TMEM132C: variants seen among roughly 807,000 people sequenced by gnomAD.
TMEM132C encodes transmembrane protein 132C, also known as protein phosphatase 1, regulatory subunit 152.
Under a neutral mutation model 61.4 loss-of-function variants are expected in TMEM132C, and 29 were observed. That is an observed-to-expected ratio of 0.47 (90% CI 0.35 to 0.64). The LOEUF is 0.64. Ranked by LOEUF, TMEM132C falls within the 30% of genes least tolerant of loss-of-function variation. The pLI is 0.00. For missense variants in TMEM132C, 1,408 were observed against 1,476.9 expected, an observed-to-expected ratio of 0.95 and a Z score of 0.76; for synonymous variants, 656 against 633.1, an observed-to-expected ratio of 1.04 and a Z score of -0.54.
intron 1 of TMEM132C, among the ~76,000 whole-genome samples, chr12:128,279,079 G>T (rs1449736511): frequency 6.6e-6 from 1 of 151,982 alleles, no homozygotes; most frequent in Non-Finnish European, 1.5e-5. Flanking sequence ...CACTCTATTG[G>T]TTCTATTTCC....
chr12:128,445,458 G>A lies in TMEM132C; in HGVS notation c.974+29838G>A, dbSNP rs552079540. ...GTAAACATTAGGCAGAGCCAGCCCC[G>A]TGTGTGATGGGTCAGGGGTTGTCAC... On this transcript the variant is annotated intron_variant, in intron 2 of 8. Coordinates refer to ENST00000435159, the MANE Select transcript of TMEM132C (RefSeq NM_001136103.3). Among the ~76,000 whole-genome samples the A allele has an allele frequency of 3.9e-5, 6 of 152,274 alleles. No homozygotes were observed. In the South Asian group the frequency reaches 1.0e-3, roughly 26 times the overall value.
chr12:128,519,444 T>G (rs910864951), intron 2 of TMEM132C, among the ~76,000 whole-genome samples: 1 of 152,194 alleles, frequency 6.6e-6, no homozygotes, highest in Non-Finnish European at 1.5e-5. Context: ...TGTCCCTATA[T>G]TTGTCCCTTC....
chr12:128,629,135 A>G (rs112666175), intron 4 of TMEM132C, among the ~76,000 whole-genome samples: 33 of 152,322 alleles, frequency 2.2e-4, no homozygotes, highest in African/African-American at 7.9e-4. Flanking sequence ...CCTGCTTTAC[A>G]TCATCATCCA....
intron 3 of TMEM132C, among the ~76,000 whole-genome samples, chr12:128,579,019 C>T (rs1470054701): frequency 6.6e-6 from 1 of 152,182 alleles, no homozygotes; most frequent in African/African-American, 2.4e-5. Context: ...GCCAGCCCTG[C>T]CTTGCAACAA....
At chr12:128,670,007 TTA>T (rs1199094190) in intron 5 of TMEM132C, among the ~76,000 whole-genome samples, 1 of 152,208 alleles carries the variant, frequency 6.6e-6, no homozygotes, top group East Asian at 1.9e-4. Flanking sequence ...CTTATCTTTT[TTA>T]TGTGATGAGA....
At chr12:128,489,281 G>A (rs564664406) in intron 2 of TMEM132C, among the ~76,000 whole-genome samples, 1 of 152,054 alleles carries the variant, frequency 6.6e-6, no homozygotes, top group South Asian at 2.1e-4. Context: ...ATGATGAGAC[G>A]TGTGGTTTTT....
intron 2 of TMEM132C, among the ~76,000 whole-genome samples, chr12:128,527,445 C>T (rs1049691541): frequency 6.6e-6 from 1 of 152,186 alleles, no homozygotes; most frequent in Non-Finnish European, 1.5e-5. Context: ...GGCAGCTGCG[C>T]TGAAGTCATC....
chr12:128,434,578 G>T (rs533809215), intron 2 of TMEM132C, among the ~76,000 whole-genome samples: 2 of 151,508 alleles, frequency 1.3e-5, no homozygotes, highest in African/African-American at 4.9e-5. Flanking sequence ...GTGAGCCACC[G>T]CACCTGGCCT....
intron 3 of TMEM132C, among the ~76,000 whole-genome samples, chr12:128,557,511 T>A (rs1176589041): frequency 1.3e-5 from 2 of 152,198 alleles, no homozygotes; most frequent in Non-Finnish European, 2.9e-5. Context: ...TTAGAGACCC[T>A]GCCTTACCAA....
chr12:128,310,025 C>T (rs779909842), intron 1 of TMEM132C, among the ~76,000 whole-genome samples: 8 of 152,282 alleles, frequency 5.3e-5, no homozygotes, highest in Admixed American at 2.6e-4. Context: ...TGTGAGCCAC[C>T]GCACCCAGCC....
At chr12:128,704,995 C>A in intron 8 of TMEM132C, 95 bp from the exon 9 acceptor site, 1 of 1,372,504 alleles carries the variant, frequency 7.3e-7, no homozygotes, top group Non-Finnish European at 9.7e-7. Flanking sequence ...GATTTGAGGT[C>A]CTGCTCCCTG....
intron 2 of TMEM132C, among the ~76,000 whole-genome samples, chr12:128,492,205 A>G (rs866253460): frequency 3.2e-4 from 48 of 152,302 alleles, no homozygotes; most frequent in African/African-American, 9.9e-4. Context: ...GCTGCATAGT[A>G]TTCCATGGTG....
chr12:128,474,397 C>G (rs1253708930), intron 2 of TMEM132C, among the ~76,000 whole-genome samples: 1 of 152,156 alleles, frequency 6.6e-6, no homozygotes, highest in African/African-American at 2.4e-5. Context: ...GCTCAAAGAC[C>G]TCACTGCCTT....
At chr12:128,403,673 T>C (rs1875244291) in intron 1 of TMEM132C, among the ~76,000 whole-genome samples, 1 of 151,926 alleles carries the variant, frequency 6.6e-6, no homozygotes, top group African/African-American at 2.4e-5. Flanking sequence ...ATGAGAATTC[T>C]GAGGCTCAAG....
intron 2 of TMEM132C, among the ~76,000 whole-genome samples, chr12:128,520,406 C>G (rs1004089446): frequency 2.6e-5 from 4 of 152,200 alleles, no homozygotes; most frequent in African/African-American, 9.7e-5. Flanking sequence ...AGATGTGTTT[C>G]TTTTATCAGA....
Position 128,630,704 on chromosome 12 carries a change from G to C in TMEM132C, c.1305+14369G>C, listed in dbSNP as rs946537105. Among the ~76,000 whole-genome samples the C allele has an allele frequency of 4.6e-5, 7 of 152,072 alleles. No individual in the cohort carries two copies. The highest frequency in any genetic ancestry group is 1.4e-4 in the African/African-American group (6 of 41,396). ...CCAGATCACTGCTCAATATCTAGTCGATGGCCAAAACATATCTACATTGAA... is the reference window on the plus strand; with the variant it reads ...CCAGATCACTGCTCAATATCTAGTCCATGGCCAAAACATATCTACATTGAA... On this transcript the variant is annotated intron_variant, in intron 4 of 8. Coordinates refer to ENST00000435159, the MANE Select transcript of TMEM132C (RefSeq NM_001136103.3). The surrounding 1 kb of genome is among the most constrained non-coding windows in gnomAD (Gnocchi z 4.3).
intron 4 of TMEM132C, among the ~76,000 whole-genome samples, chr12:128,664,960 C>T (rs963696323): frequency 6.6e-6 from 1 of 152,150 alleles, no homozygotes; most frequent in African/African-American, 2.4e-5. Flanking sequence ...ATCATACACA[C>T]AGGCACTCAC....
At chr12:128,638,607 T>C (rs1282761710) in intron 4 of TMEM132C, among the ~76,000 whole-genome samples, 1 of 152,228 alleles carries the variant, frequency 6.6e-6, no homozygotes, top group Non-Finnish European at 1.5e-5. Context: ...TAATATACCC[T>C]GGTCACACAG....
At chr12:128,277,725 A>T (rs911433485) in intron 1 of TMEM132C, among the ~76,000 whole-genome samples, 4 of 152,200 alleles carry the variant, frequency 2.6e-5, no homozygotes, top group African/African-American at 4.8e-5. Flanking sequence ...ATCAAAAGCC[A>T]CTGGATGGCC....
Sources: gnomAD v4.1 joint callset for allele counts (sites outside exome capture counted in the v4.1 genomes callset) on GRCh38, gnomAD v4.1.1 for gene constraint, Gnocchi (gnomAD v3.1) non-coding constraint, MANE v1.5 for transcripts, NCBI Gene and HGNC (gene_info 2026-07-23, HGNC 2026-07-21) for gene names.